SSH2: variants seen among roughly 807,000 people sequenced by gnomAD.
SSH2 encodes the protein protein phosphatase Slingshot homolog 2.
SSH2 carries 37 observed loss-of-function variants against 135.2 expected under a neutral mutation model. That is an observed-to-expected ratio of 0.27 (90% CI 0.21 to 0.36). SSH2 has a LOEUF of 0.36. Among genes scored for constraint, SSH2 ranks in the 10% least tolerant of loss-of-function variants. The pLI, the probability that SSH2 is intolerant of heterozygous loss-of-function variation, is 1.00. For missense variants in SSH2, 1,408 were observed against 1,765.3 expected, an observed-to-expected ratio of 0.80 and a Z score of 3.63; for synonymous variants, 628 against 646.2, an observed-to-expected ratio of 0.97 and a Z score of 0.43.
intron 3 of SSH2, among the ~76,000 whole-genome samples, chr17:29,764,171 G>A (rs377536902): frequency 3.9e-5 from 6 of 151,996 alleles, no homozygotes; most frequent in African/African-American, 1.2e-4. Context: ...GGCTGGTCTC[G>A]AACTCCTGAC....
intron 2 of SSH2, among the ~76,000 whole-genome samples, chr17:29,797,996 T>C (rs2042187198): frequency 6.6e-6 from 1 of 152,132 alleles, no homozygotes; most frequent in African/African-American, 2.4e-5. Context: ...GAGGCATGTA[T>C]AGTTTCATAT....
At chr17:29,702,638 C>G (rs1266016483) in intron 4 of SSH2, among the ~76,000 whole-genome samples, 1 of 152,158 alleles carries the variant, frequency 6.6e-6, no homozygotes, top group African/African-American at 2.4e-5. Context: ...CTGGGTGACA[C>G]AGCGAAACTC....
chr17:29,849,396 G>A (rs542014314), intron 1 of SSH2, among the ~76,000 whole-genome samples: 4 of 149,666 alleles, frequency 2.7e-5, no homozygotes, highest in Non-Finnish European at 5.9e-5. Context: ...GGAGAATGGC[G>A]TGAACCCGGA....
intron 3 of SSH2, among the ~76,000 whole-genome samples, chr17:29,714,217 C>T (rs901538310): frequency 6.6e-6 from 1 of 151,614 alleles, no homozygotes; most frequent in African/African-American, 2.4e-5. Flanking sequence ...ATGATGATGA[C>T]CAACATGTCT....
intron 3 of SSH2, among the ~76,000 whole-genome samples, chr17:29,773,587 TTTACACATCGCC>T (rs1159153382): frequency 1.3e-5 from 2 of 152,330 alleles, no homozygotes; most frequent in Middle Eastern, 3.4e-3. Flanking sequence ...CATCAGATGG[TTTACACATCGCC>T]TTTTGAGATT....
chr17:29,642,369 GT>G (rs1567837131), intron 14 of SSH2, among the ~76,000 whole-genome samples: 1 of 152,076 alleles, frequency 6.6e-6, no homozygotes, highest in Non-Finnish European at 1.5e-5. Context: ...CACCACCCAG[GT>G]TTTTTTCCTT....
In SSH2 at chr17:29,820,512, G is replaced by A. The variant is rs1349898539; in HGVS notation, c.145-26575C>T. ...CAATCAAATGAACACATAAGCAAAAGTAAAATTACAACTACAAATAGGAAA... is the reference window on the plus strand; with the variant it reads ...CAATCAAATGAACACATAAGCAAAAATAAAATTACAACTACAAATAGGAAA... On this transcript the variant is annotated intron_variant, in intron 2 of 15. Coordinates refer to ENST00000540801, the MANE Select transcript of SSH2 (RefSeq NM_001282129.2). 3.3e-5 allele frequency among the ~76,000 whole-genome samples: 5 copies of A among 152,164 alleles called. No homozygotes were observed. The East Asian group carries it at 7.7e-4, about 23-fold the overall frequency.
intron 2 of SSH2, among the ~76,000 whole-genome samples, chr17:29,802,618 C>CAAAAAAA (rs74267073): frequency 7.0e-5 from 4 of 57,348 alleles, no homozygotes; most frequent in African/African-American, 1.2e-4. Flanking sequence ...ACTGTTTCTA[C>CAAAAAAA]AAAAAAAAAA....
chr17:29,741,137 A>G (rs1235906029), intron 3 of SSH2, among the ~76,000 whole-genome samples: 5 of 152,250 alleles, frequency 3.3e-5, no homozygotes, highest in African/African-American at 1.2e-4. Flanking sequence ...AGTAAGAATC[A>G]ATTTTTCTGG....
chr17:29,631,769 G>C lies in SSH2; in HGVS notation c.3425C>G (p.Ala1142Gly). ...ATGGGTTGTATGACTGACAAAAGGT[G>C]CTGCTGTCTCCAGGGCTGTGGACAG... ...SSLSTALETA[A>G]PFVSHTTHLL... The change falls in exon 16 of 16, where the codon GCA (alanine) becomes GGA (glycine). Residue 1142 changes from alanine (A) to glycine (G), a missense_variant. Physicochemically the swap from Ala to Gly is moderately conservative, Grantham distance 60. Around this residue, in one of 3 missense-constraint regions of SSH2, gnomAD observed 1,080 missense variants for 1,144.5 expected, o/e 0.94. Coordinates refer to ENST00000540801, the MANE Select transcript of SSH2 (RefSeq NM_001282129.2). 6.2e-7 allele frequency: 1 copy of C among 1,614,206 alleles called. No homozygotes were observed. Among genetic ancestry groups the C allele is most frequent in the South Asian group, 1.1e-5 (1 of 91,090 alleles).
At chr17:29,777,120 G>A (rs1043610147) in intron 3 of SSH2, among the ~76,000 whole-genome samples, 6 of 151,936 alleles carry the variant, frequency 3.9e-5, no homozygotes, top group Admixed American at 3.9e-4. Context: ...GCTGAGGCAG[G>A]AGAATTGCTT....
At chr17:29,876,887 A>C (rs1161029617) in intron 1 of SSH2, among the ~76,000 whole-genome samples, 1 of 151,962 alleles carries the variant, frequency 6.6e-6, no homozygotes, top group Non-Finnish European at 1.5e-5. Context: ...TCAAGGCAAA[A>C]AGCTTTTGCA....
At chr17:29,647,959 G>A (rs975248342) in intron 14 of SSH2, 185 bp downstream of exon 14, 24 of 615,342 alleles carry the variant, frequency 3.9e-5, no homozygotes, top group African/African-American at 7.4e-5. Flanking sequence ...CACTGTGCCC[G>A]GCCAGCCCAT....
At chr17:29,928,707 A>C (rs571771546) in intron 1 of SSH2, 10 of 395,414 alleles carry the variant, frequency 2.5e-5, no homozygotes, top group African/African-American at 1.8e-4. Context: ...ATACACAACA[A>C]AACTTTGAAA....
chr17:29,728,789 CCA>C (rs2040085264), intron 3 of SSH2, among the ~76,000 whole-genome samples: 1 of 152,166 alleles, frequency 6.6e-6, no homozygotes, highest in Non-Finnish European at 1.5e-5. Context: ...TCAAGAACAT[CCA>C]TTGGGGAAAG....
intron 12 of SSH2, among the ~76,000 whole-genome samples, chr17:29,651,452 C>T (rs980074942): frequency 6.6e-6 from 1 of 152,236 alleles, no homozygotes; most frequent in Non-Finnish European, 1.5e-5. Context: ...TTCTTCCACA[C>T]TAAGATGCTT....
intron 1 of SSH2, among the ~76,000 whole-genome samples, chr17:29,896,918 G>T (rs1048156625): frequency 6.6e-6 from 1 of 151,666 alleles, no homozygotes; most frequent in Non-Finnish European, 1.5e-5. Flanking sequence ...AGACACTAAG[G>T]GGGGTACGAA....
intron 1 of SSH2, among the ~76,000 whole-genome samples, chr17:29,918,044 T>A (rs973712698): frequency 6.6e-6 from 1 of 151,790 alleles, no homozygotes. Flanking sequence ...TAGCTGGGCA[T>A]GGTGGCGTGA....
At chr17:29,732,932 C>T (rs943692772) in intron 3 of SSH2, among the ~76,000 whole-genome samples, 1 of 152,220 alleles carries the variant, frequency 6.6e-6, no homozygotes, top group African/African-American at 2.4e-5. Flanking sequence ...AGGTAACTCA[C>T]TTTCCAGGAC....
Sources: allele counts gnomAD v4.1 joint callset (sites outside exome capture counted in the v4.1 genomes callset), GRCh38; gene constraint gnomAD v4.1.1; regional missense constraint gnomAD v4.1.1; transcripts MANE v1.5; gene names NCBI Gene and HGNC (gene_info 2026-07-23, HGNC 2026-07-21).